The following CPXM2 variants were observed in gnomAD, a reference collection of about 807,000 sequenced individuals.
CPXM2 encodes the protein inactive carboxypeptidase-like protein X2.
In CPXM2, 66 loss-of-function variants were observed where a neutral mutation model predicts 86.1. That is an observed-to-expected ratio of 0.77 (90% CI 0.63 to 0.94). The LOEUF (loss-of-function observed/expected upper bound fraction) is 0.94, where lower values mean the gene tolerates loss of function less well. CPXM2 is among the 40% of genes least tolerant of loss of function. The pLI is 0.00. For synonymous variants in CPXM2, 388 were observed against 400.2 expected, an observed-to-expected ratio of 0.97 and a Z score of 0.36; for missense variants, 948 against 1,026.3, an observed-to-expected ratio of 0.92 and a Z score of 1.04.
intron 2 of CPXM2, among the ~76,000 whole-genome samples, chr10:123,921,620 C>A (rs1022404366): frequency 7.2e-5 from 11 of 152,206 alleles, no homozygotes; most frequent in Admixed American, 2.0e-4. Flanking sequence ...AACAAAGGAG[C>A]ATGAGCTCAG....
At chr10:123,749,710 CTGCTGTTCCCAA>C (rs1846033684) in intron 13 of CPXM2, among the ~76,000 whole-genome samples, 1 of 152,250 alleles carries the variant, frequency 6.6e-6, no homozygotes, top group Non-Finnish European at 1.5e-5. Context: ...ACTGTTCCCA[CTGCTGTTCCCAA>C]CTCCTGTGCC....
chr10:123,825,081 C>T (rs1848017683), intron 4 of CPXM2, among the ~76,000 whole-genome samples: 1 of 152,216 alleles, frequency 6.6e-6, no homozygotes, highest in Admixed American at 6.5e-5. Flanking sequence ...CTGGAGGATT[C>T]TGAGGGGAAA....
At chr10:123,877,954 G>T (rs577244723) in intron 2 of CPXM2, among the ~76,000 whole-genome samples, 2 of 151,820 alleles carry the variant, frequency 1.3e-5, no homozygotes, top group Non-Finnish European at 2.9e-5. Flanking sequence ...ACTGCCCCCC[G>T]CCTTGCAAAT....
At position 123,783,717 on chromosome 10, in the gene CPXM2, T is replaced by G. The variant is rs75675167; in HGVS notation, c.890-3462A>C. On this transcript the variant is annotated intron_variant, in intron 6 of 13. Transcript: ENST00000241305. Reference sequence around the variant, plus strand: ...GAATTTTCGCTTATGTGAGCCCTAATTTCTTTACATTTTTCTTAACCTAAT... The same window carrying G: ...GAATTTTCGCTTATGTGAGCCCTAAGTTCTTTACATTTTTCTTAACCTAAT... Among the ~76,000 whole-genome samples, 257 of 152,304 alleles carry G rather than the reference T, an allele frequency of 1.7e-3. 2 individuals carry two copies. Among genetic ancestry groups the G allele is most frequent in the African/African-American group, 5.8e-3 (243 of 41,572 alleles).
chr10:123,792,921 T>G (rs1590005009), intron 6 of CPXM2, among the ~76,000 whole-genome samples: 1 of 152,026 alleles, frequency 6.6e-6, no homozygotes, highest in African/African-American at 2.4e-5. Context: ...GACCCACAGG[T>G]GGTAGAAGAC....
At chr10:123,749,277 C>A (rs1025657523) in intron 13 of CPXM2, among the ~76,000 whole-genome samples, 4 of 152,104 alleles carry the variant, frequency 2.6e-5, no homozygotes, top group African/African-American at 9.7e-5. Context: ...GGTTTAAATA[C>A]CTCAGGGAGG....
intron 2 of CPXM2, among the ~76,000 whole-genome samples, chr10:123,909,589 A>AT (rs141349978): frequency 1.1e-3 from 170 of 152,290 alleles, no homozygotes; most frequent in African/African-American, 4.1e-3. Flanking sequence ...CCTCCAGAAT[A>AT]TTTCTCTTTC....
intron 13 of CPXM2, chr10:123,750,565 T>C (rs1168622050): frequency 2.6e-5 from 25 of 978,504 alleles, no homozygotes; most frequent in Non-Finnish European, 3.0e-5. Flanking sequence ...GCACTGATCA[T>C]AGTGTGTAGT....
Position 123,771,058 on chromosome 10 carries a change from C to G in CPXM2, c.979-19G>C, listed in dbSNP as rs1564760700. On this transcript the variant is annotated intron_variant, in intron 7 of 13. Coordinates refer to ENST00000241305, the MANE Select transcript of CPXM2 (RefSeq NM_198148.3). The stretch of plus-strand genomic sequence containing the variant: ...TCATCAACTGAAAAACAAGGTGAAT[C>G]AAAAACTCTAAGCATTGATGACGAT... 2.5e-6 allele frequency: 4 copies of G among 1,609,784 alleles called. No homozygotes were observed. The highest frequency in any genetic ancestry group is 3.4e-6 in the Non-Finnish European group (4 of 1,177,712).
chr10:123,915,414 C>A (rs527384446), intron 2 of CPXM2, among the ~76,000 whole-genome samples: 1 of 152,266 alleles, frequency 6.6e-6, no homozygotes, highest in South Asian at 2.1e-4. Context: ...GAAAATTAAC[C>A]AGGCGTGATG....
intron 2 of CPXM2, among the ~76,000 whole-genome samples, chr10:123,870,116 T>C (rs79395450): frequency 0.016 from 2,415 of 152,206 alleles, 65 homozygotes; most frequent in African/African-American, 0.055. Flanking sequence ...ATTGTATCTG[T>C]ACAATGACCC....
intron 10 of CPXM2, among the ~76,000 whole-genome samples, chr10:123,766,330 C>T (rs765053594): frequency 2.6e-5 from 4 of 152,158 alleles, no homozygotes; most frequent in Non-Finnish European, 5.9e-5. Flanking sequence ...CTTGTTAAGG[C>T]ACTATTTTGA....
chr10:123,813,935 A>T (rs1847749615), intron 4 of CPXM2, among the ~76,000 whole-genome samples: 1 of 152,198 alleles, frequency 6.6e-6, no homozygotes. Flanking sequence ...TACCTTGGCC[A>T]CAGTGGAATA....
intron 4 of CPXM2, among the ~76,000 whole-genome samples, chr10:123,806,747 A>T (rs1484346576): frequency 6.6e-6 from 1 of 152,140 alleles, no homozygotes; most frequent in Non-Finnish European, 1.5e-5. Context: ...GGCAGGAGAC[A>T]GAGAGAGAGT....
At chr10:123,749,416 T>C (rs1469676554) in intron 13 of CPXM2, among the ~76,000 whole-genome samples, 1 of 152,090 alleles carries the variant, frequency 6.6e-6, no homozygotes, top group Non-Finnish European at 1.5e-5. Context: ...TGATTCCCCT[T>C]ATCCCTGCAA....
chr10:123,911,323 T>TGGTCCAGGGGACA (rs1029972135), intron 2 of CPXM2, among the ~76,000 whole-genome samples: 2 of 152,040 alleles, frequency 1.3e-5, no homozygotes, highest in Non-Finnish European at 2.9e-5. Flanking sequence ...CAAGAACTGA[T>TGGTCCAGGGGACA]GGTCCAGGGG....
At chr10:123,907,838 G>C (rs1945456399) in intron 2 of CPXM2, among the ~76,000 whole-genome samples, 1 of 151,910 alleles carries the variant, frequency 6.6e-6, no homozygotes, top group Non-Finnish European at 1.5e-5. Flanking sequence ...GGGGACTAGG[G>C]GGATTGTGCT....
intron 7 of CPXM2, chr10:123,777,501 C>G (rs1010117901): frequency 6.6e-6 from 1 of 151,722 alleles, no homozygotes; most frequent in East Asian, 2.0e-4. Context: ...GAGGCCCGCC[C>G]TCCATACAAC....
In CPXM2 at chr10:123,865,051, C is replaced by T. The variant is rs1174711796; in HGVS notation, c.404-2328G>A. On this transcript the variant is annotated intron_variant, in intron 2 of 13. Transcript: ENST00000241305. The surrounding 1 kb of genome is among the most constrained non-coding windows in gnomAD (Gnocchi z 4.7). ...GCAGCTGCCACATCTAACAGCCATTCTTGTCCACTCCTGTGATGGTGTCAC... is the reference window on the plus strand; with the variant it reads ...GCAGCTGCCACATCTAACAGCCATTTTTGTCCACTCCTGTGATGGTGTCAC... Among the ~76,000 whole-genome samples, 1 of 152,190 alleles carries T rather than the reference C, an allele frequency of 6.6e-6. No individual in the cohort carries two copies. The highest frequency in any genetic ancestry group is 1.5e-5 in the Non-Finnish European group (1 of 68,038).
Sources: gnomAD v4.1 joint callset for allele counts (sites outside exome capture counted in the v4.1 genomes callset) on GRCh38, gnomAD v4.1.1 for gene constraint, Gnocchi (gnomAD v3.1) non-coding constraint, MANE v1.5 for transcripts, NCBI Gene and HGNC (gene_info 2026-07-23, HGNC 2026-07-21) for gene names.